Variants in ZNF407 observed in about 807,000 individuals in gnomAD.
The protein encoded by ZNF407 is zinc finger protein 407.
A neutral mutation model predicts 131.2 loss-of-function variants in ZNF407; 17 were observed. The ratio of observed to expected loss-of-function variants is 0.13; its 90% CI spans 0.09 to 0.19. The LOEUF (loss-of-function observed/expected upper bound fraction) is 0.19, where lower values mean the gene tolerates loss of function less well. Among genes scored for constraint, ZNF407 ranks in the 10% least tolerant of loss-of-function variants. The pLI is 1.00. For synonymous variants in ZNF407, 1,156 were observed against 1,062.0 expected, an observed-to-expected ratio of 1.09 and a Z score of -1.72; for missense variants, 2,681 against 2,830.6, an observed-to-expected ratio of 0.95 and a Z score of 1.20.
intron 3 of ZNF407, among the ~76,000 whole-genome samples, chr18:74,691,227 C>T (rs1043315509): frequency 1.3e-5 from 2 of 151,592 alleles, no homozygotes; most frequent in African/African-American, 4.9e-5. Flanking sequence ...TTCAGTCAGC[C>T]GAGATTGTGC....
chr18:74,957,081 A>G (rs765679993), intron 8 of ZNF407, among the ~76,000 whole-genome samples: 13 of 152,148 alleles, frequency 8.5e-5, no homozygotes, highest in Non-Finnish European at 1.8e-4. Flanking sequence ...AACTTAAGAG[A>G]AAGTCCTGAC....
At chr18:74,850,289 G>C (rs1970763316) in intron 4 of ZNF407, among the ~76,000 whole-genome samples, 1 of 151,216 alleles carries the variant, frequency 6.6e-6, no homozygotes, top group Admixed American at 6.7e-5. Context: ...TTAATGGATA[G>C]ATTTCTTTGT....
chr18:75,058,167 G>T (rs1039744), intron 8 of ZNF407, among the ~76,000 whole-genome samples: 1 of 152,058 alleles, frequency 6.6e-6, no homozygotes, highest in Non-Finnish European at 1.5e-5. Context: ...AATGGAGCTT[G>T]TGTTTTTCCA....
intron 6 of ZNF407, among the ~76,000 whole-genome samples, chr18:74,886,542 T>C (rs1323030109): frequency 6.6e-6 from 1 of 152,184 alleles, no homozygotes; most frequent in African/African-American, 2.4e-5. Flanking sequence ...GGTACACCCG[T>C]ATAATGGAAT....
chr18:74,776,929 T>TG (rs1307681308), intron 3 of ZNF407, among the ~76,000 whole-genome samples: 1 of 152,210 alleles, frequency 6.6e-6, no homozygotes, highest in Admixed American at 6.5e-5. Flanking sequence ...TTCATCCTTT[T>TG]GATCGTCGCA....
chr18:74,603,151 A>G (rs537532304), intron 1 of ZNF407, among the ~76,000 whole-genome samples: 2 of 152,304 alleles, frequency 1.3e-5, no homozygotes, highest in Non-Finnish European at 2.9e-5. Context: ...GCATTTGGTC[A>G]TGTCTTAGCA....
rs770394467 is a variant in ZNF407 at position 74,631,900 on chromosome 18, G to A, written c.881G>A (p.Arg294His). 16 of 1,613,670 alleles carry A rather than the reference G, an allele frequency of 9.9e-6. No homozygotes were observed. The highest frequency in any genetic ancestry group is 3.3e-5 in the South Asian group (3 of 91,058). ...LTKQPFPKKS[R>H]TMATKNVHSK... The stretch of plus-strand genomic sequence containing the variant: ...AAACAACCTTTTCCTAAAAAATCAC[G>A]TACAATGGCAACAAAAAATGTTCAC... Residue 294 changes from arginine to histidine, a missense_variant, in exon 2 of 9, where the codon CGT becomes CAT. By Grantham distance (29) the Arg-to-His change is conservative. Coordinates refer to ENST00000299687, the MANE Select transcript of ZNF407 (RefSeq NM_017757.3).
intron 4 of ZNF407, among the ~76,000 whole-genome samples, chr18:74,786,051 T>C (rs571593594): frequency 1.3e-5 from 2 of 152,352 alleles, no homozygotes; most frequent in East Asian, 1.9e-4. Flanking sequence ...GAGGAAATTA[T>C]TGGGGAACAG....
chr18:75,004,781 G>A (rs1972888481), intron 8 of ZNF407, among the ~76,000 whole-genome samples: 1 of 152,128 alleles, frequency 6.6e-6, no homozygotes, highest in South Asian at 2.1e-4. Flanking sequence ...CTGTGTTTCT[G>A]TTTTACTTTA....
At chr18:74,805,022 T>TA (rs2145077900) in intron 4 of ZNF407, among the ~76,000 whole-genome samples, 1 of 152,334 alleles carries the variant, frequency 6.6e-6, no homozygotes, top group South Asian at 2.1e-4. Flanking sequence ...CAATTGACAT[T>TA]ATGTGCACAA....
intron 1 of ZNF407, among the ~76,000 whole-genome samples, chr18:74,630,257 G>A (rs1835002932): frequency 1.4e-5 from 2 of 143,392 alleles, no homozygotes; most frequent in Admixed American, 7.3e-5. Context: ...TGCAAGCTCC[G>A]CCTCCCGGGT....
In ZNF407 at chr18:75,063,468, A is replaced by G; in HGVS notation, c.5747A>G (p.Gln1916Arg). Reference protein sequence around the residue: ...TEDGQVIATSQSGAHVGSVVP... With the variant: ...TEDGQVIATSRSGAHVGSVVP... The stretch of plus-strand genomic sequence containing the variant: ...GATGGCCAGGTCATCGCCACGAGTC[A>G]GAGCGGGGCACATGTAGGCAGCGTG... The change falls in exon 9 of 9, where the codon CAG becomes CGG. Residue 1916 changes from glutamine to arginine, a missense_variant. Gln to Arg is a conservative substitution (Grantham distance 43, BLOSUM62 1). Coordinates refer to ENST00000299687, the MANE Select transcript of ZNF407 (RefSeq NM_017757.3). The surrounding 1 kb of genome is among the most constrained non-coding windows in gnomAD (Gnocchi z 6.6). 6.2e-7 allele frequency: 1 copy of G among 1,604,622 alleles called. No individual in the cohort carries two copies. The highest frequency in any genetic ancestry group is 8.5e-7 in the Non-Finnish European group (1 of 1,176,844).
At chr18:75,032,222 A>G (rs1260126170) in intron 8 of ZNF407, among the ~76,000 whole-genome samples, 1 of 152,186 alleles carries the variant, frequency 6.6e-6, no homozygotes, top group East Asian at 1.9e-4. Flanking sequence ...CTGATGCACA[A>G]TGAGACTGCG....
At chr18:75,027,943 C>T (rs1405237219) in intron 8 of ZNF407, among the ~76,000 whole-genome samples, 1 of 152,158 alleles carries the variant, frequency 6.6e-6, no homozygotes, top group African/African-American at 2.4e-5. Context: ...TGAGAGAACA[C>T]GCTGCTGCAC....
At chr18:74,640,224 T>G (rs1209453726) in intron 2 of ZNF407, among the ~76,000 whole-genome samples, 1 of 152,062 alleles carries the variant, frequency 6.6e-6, no homozygotes, top group African/African-American at 2.4e-5. Context: ...TATCTATTAC[T>G]GACACTAAGT....
chr18:75,014,502 A>C (rs1015051073), intron 8 of ZNF407, among the ~76,000 whole-genome samples: 1 of 152,104 alleles, frequency 6.6e-6, no homozygotes, highest in Non-Finnish European at 1.5e-5. Flanking sequence ...GCTTTTGATA[A>C]ACATGCACAC....
chr18:75,037,508 C>G (rs891800008), intron 8 of ZNF407, among the ~76,000 whole-genome samples: 1 of 151,840 alleles, frequency 6.6e-6, no homozygotes, highest in East Asian at 1.9e-4. Flanking sequence ...GGTCTTGTCT[C>G]GATGGCGCCA....
chr18:74,762,742 A>G lies in ZNF407; in HGVS notation c.4803-18686A>G, dbSNP rs372416993. Among the ~76,000 whole-genome samples, 16 of 149,736 alleles carry G rather than the reference A, an allele frequency of 1.1e-4. No homozygotes were observed. In the East Asian group the frequency reaches 1.8e-3, roughly 17 times the overall value. On this transcript the variant is annotated intron_variant, in intron 3 of 8. Transcript: ENST00000299687. The stretch of plus-strand genomic sequence containing the variant: ...CATCATAGCTGCTTTTAGATTTTAG[A>G]TTTTTTCTTTTTTGTTGTTGTTGTA...
chr18:74,836,001 C>T (rs1399280922), intron 4 of ZNF407, among the ~76,000 whole-genome samples: 1 of 143,992 alleles, frequency 6.9e-6, no homozygotes, highest in Non-Finnish European at 1.5e-5. Flanking sequence ...GATAAGGGAC[C>T]CTTATGGAAA....
Sources: allele counts gnomAD v4.1 joint callset (sites outside exome capture counted in the v4.1 genomes callset), GRCh38; gene constraint gnomAD v4.1.1; non-coding constraint Gnocchi (gnomAD v3.1); transcripts MANE v1.5; gene names NCBI Gene and HGNC (gene_info 2026-07-23, HGNC 2026-07-21).